SNX31: variants seen among roughly 807,000 people sequenced by gnomAD.
The protein encoded by SNX31 is sorting nexin 31.
SNX31 carries 58 observed loss-of-function variants against 65.4 expected under a neutral mutation model. That is an observed-to-expected ratio of 0.89 (90% confidence interval 0.72 to 1.10). The LOEUF is 1.10. Among genes scored for constraint, SNX31 ranks in the 50% least tolerant of loss-of-function variants. The pLI, the probability that SNX31 is intolerant of heterozygous loss-of-function variation, is 0.00. For synonymous variants in SNX31, 181 were observed against 190.1 expected, an observed-to-expected ratio of 0.95 and a Z score of 0.39; for missense variants, 523 against 529.7, an observed-to-expected ratio of 0.99 and a Z score of 0.12.
intron 3 of SNX31, among the ~76,000 whole-genome samples, chr8:100,631,355 A>G (rs574967138): frequency 6.6e-6 from 1 of 151,640 alleles, no homozygotes; most frequent in Non-Finnish European, 1.5e-5. Context: ...ATCCTCTCCT[A>G]TATCCTGCGC....
Position 100,575,864 on chromosome 8 carries a change from T to C in SNX31, c.1227+1155A>G, listed in dbSNP as rs1276252315. The stretch of plus-strand genomic sequence containing the variant: ...AAATCCAAATTTCTGAGGGTGGGGC[T>C]CAAGCATTAGTTTTTAGAGCTCCCC... On this transcript the variant is annotated intron_variant, in intron 13 of 13. Coordinates refer to ENST00000311812, the MANE Select transcript of SNX31 (RefSeq NM_152628.4). This position sits in a 1 kb window ranked among gnomAD's most constrained non-coding sequence, Gnocchi z 5.1. 6.6e-6 allele frequency among the ~76,000 whole-genome samples: 1 copy of C among 152,164 alleles called. No individual in the cohort carries two copies. The highest frequency in any genetic ancestry group is 1.5e-5 in the Non-Finnish European group (1 of 68,022).
chr8:100,649,623 C>T lies in SNX31; in HGVS notation c.-109G>A. On this transcript the variant is annotated 5_prime_UTR_variant, in exon 1 of 14. It removes the in-frame stop codon of an upstream open reading frame in the 5' UTR. Transcript: ENST00000311812. Reference sequence around the variant, plus strand: ...ACGCAGCGCGGCCTGCCACGCGACTCAGAGCGAACCCCGGCGCCCGCTCTC... The same window carrying T: ...ACGCAGCGCGGCCTGCCACGCGACTTAGAGCGAACCCCGGCGCCCGCTCTC... 1 of 1,093,826 alleles carries T rather than the reference C, an allele frequency of 9.1e-7. No individual in the cohort carries two copies. Among genetic ancestry groups the T allele is most frequent in the Non-Finnish European group, 1.3e-6 (1 of 774,586 alleles). 67.8% of individuals were successfully genotyped at this position (1,093,826 alleles called of 1,614,324 possible).
chr8:100,616,005 A>G (rs1468503677), intron 5 of SNX31, among the ~76,000 whole-genome samples: 1 of 151,792 alleles, frequency 6.6e-6, no homozygotes, highest in Non-Finnish European at 1.5e-5. Flanking sequence ...CGATCTCCTG[A>G]CCTCGTGATC....
intron 3 of SNX31, among the ~76,000 whole-genome samples, chr8:100,633,254 G>T (rs1255494548): frequency 6.6e-6 from 1 of 152,004 alleles, no homozygotes; most frequent in African/African-American, 2.4e-5. Context: ...TTTGAATAAG[G>T]TCTCTAGATA....
chr8:100,661,973 C>A (rs184432136), intron 1 of SNX31, among the ~76,000 whole-genome samples: 51 of 152,206 alleles, frequency 3.4e-4, no homozygotes, highest in Non-Finnish European at 7.1e-4. Context: ...TACAGACATG[C>A]ACCTCCACGT....
intron 2 of SNX31, among the ~76,000 whole-genome samples, chr8:100,641,537 C>T (rs1309267508): frequency 1.2e-4 from 9 of 75,556 alleles, no homozygotes; most frequent in African/African-American, 6.0e-4. Flanking sequence ...TGGAGTGAGA[C>T]CTTGTCTCAA....
chr8:100,611,901 T>A, intron 7 of SNX31, 99 bp downstream of exon 7: 1 of 894,226 alleles, frequency 1.1e-6, no homozygotes, highest in Non-Finnish European at 1.8e-6. Context: ...GGTCTCCAGC[T>A]GTCAGGCTAT....
At position 100,584,155 on chromosome 8, in the gene SNX31, T is replaced by A. The variant is rs200328935; in HGVS notation, c.1126A>T (p.Ile376Phe). 73 of 1,601,284 alleles carry A rather than the reference T, an allele frequency of 4.6e-5. No homozygotes were observed. The highest frequency in any genetic ancestry group is 5.9e-5 in the Non-Finnish European group (69 of 1,175,122). ...GCTAGCTTTACCATCTTTTCTGAGA[T>A]CATCTTTTTCAAGCAGCTACTCAGC... ...FLLSSCLKKM[I>F]SEKMVKLAAE... Residue 376 changes from isoleucine to phenylalanine, a missense_variant, in exon 12 of 14, where the codon ATC (isoleucine) becomes TTC (phenylalanine). Transcript: ENST00000311812.
chr8:100,662,928 C>T (rs576339761), intron 1 of SNX31, among the ~76,000 whole-genome samples: 1 of 152,156 alleles, frequency 6.6e-6, no homozygotes, highest in South Asian at 2.1e-4. Flanking sequence ...AATCAGTGCT[C>T]TACTATTAAA....
intron 2 of SNX31, among the ~76,000 whole-genome samples, chr8:100,644,627 G>C (rs983362227): frequency 4.6e-5 from 7 of 152,174 alleles, no homozygotes; most frequent in African/African-American, 1.7e-4. Context: ...AGAGCCCATG[G>C]AAACACATCC....
intron 5 of SNX31, among the ~76,000 whole-genome samples, chr8:100,616,261 G>C (rs10097357): frequency 0.23 from 34,542 of 152,020 alleles, 4,790 homozygotes; most frequent in African/African-American, 0.38. Context: ...ACCACCACTG[G>C]CTTCAGCTGC....
chr8:100,592,277 C>G (rs949105140), intron 10 of SNX31, among the ~76,000 whole-genome samples: 1 of 151,940 alleles, frequency 6.6e-6, no homozygotes, highest in Non-Finnish European at 1.5e-5. Context: ...AAATACAACA[C>G]TAGAAGTAAA....
chr8:100,612,130 A>G lies in SNX31; in HGVS notation c.524-43T>C, dbSNP rs752901496. On this transcript the variant is annotated intron_variant, in intron 6 of 13. Transcript: ENST00000311812. The surrounding 1 kb of genome is among the most constrained non-coding windows in gnomAD (Gnocchi z 4.3). ...CCGGTCTTACTGGTTGAAACAGCAC[A>G]GACAGCTTATATATAGCAGCTTTCA... The G allele has an allele frequency of 5.3e-6, 7 of 1,312,402 alleles. No homozygotes were observed. In the African/African-American group the frequency reaches 7.3e-5, roughly 14 times the overall value. The allele number at this position is 1,312,402 out of a possible 1,614,324, so 81.3% of individuals were successfully genotyped here. A position where few individuals can be genotyped will look rare whatever the true frequency, so the allele number is the denominator to read the frequency against.
rs1563514050 is a variant in SNX31 at position 100,584,144 on chromosome 8, C to G, written c.1137G>C (p.Lys379Asn). The change falls in exon 12 of 14, where the codon AAG (lysine) becomes AAC (asparagine). Residue 379 changes from lysine (K) to asparagine (N), a missense_variant. Physicochemically the swap from Lys to Asn is moderately conservative, Grantham distance 94. Coordinates refer to ENST00000311812, the MANE Select transcript of SNX31 (RefSeq NM_152628.4). ...SSCLKKMISE[K>N]MVKLAAENTE... ...TATTCTCAGCAGCTAGCTTTACCAT[C>G]TTTTCTGAGATCATCTTTTTCAAGC... 2 of 1,603,202 alleles carry G rather than the reference C, an allele frequency of 1.2e-6. No homozygotes were observed. Among genetic ancestry groups the G allele is most frequent in the Non-Finnish European group, 1.7e-6 (2 of 1,175,954 alleles).
rs534065753 is a variant in SNX31, at chr8:100,577,081, T to C, written c.1171-6A>G. 2 of 1,613,020 alleles carry C rather than the reference T, an allele frequency of 1.2e-6. No homozygotes were observed. Among genetic ancestry groups the C allele is most frequent in the East Asian group, 2.2e-5 (1 of 44,852 alleles). The stretch of plus-strand genomic sequence containing the variant: ...TGTTCCGGAACTTCAATCTGCTAGA[T>C]AGATTAGTGAAATGTCAGTCAGCTC... On this transcript the variant is annotated splice_polypyrimidine_tract_variant and splice_region_variant and intron_variant, in intron 12 of 13. Coordinates refer to ENST00000311812, the MANE Select transcript of SNX31 (RefSeq NM_152628.4).
chr8:100,590,992 G>C (rs1814519186), intron 10 of SNX31, among the ~76,000 whole-genome samples: 1 of 152,150 alleles, frequency 6.6e-6, no homozygotes, highest in African/African-American at 2.4e-5. Flanking sequence ...GGGTCCTAAT[G>C]AGTAGAGGAG....
intron 5 of SNX31, among the ~76,000 whole-genome samples, chr8:100,616,541 A>G (rs1370224786): frequency 6.6e-6 from 1 of 152,188 alleles, no homozygotes. Context: ...CTCAAGCATC[A>G]AGGGCTTTTG....
In SNX31 at chr8:100,649,467, C is replaced by T. The variant is rs556203287; in HGVS notation, c.48G>A (p.Ala16=). The change falls in exon 1 of 14, where the codon GCG becomes GCA. Residue 16 remains alanine (A), a synonymous_variant. Coordinates refer to ENST00000311812, the MANE Select transcript of SNX31 (RefSeq NM_152628.4). The part of the protein sequence containing the change: ...CIPVSQQRSD[A]LGGRYVLYSV... ...GGCGCACCACGTAGCGGCCCCCCAG[C>T]GCGTCGGACCGCTGCTGGGACACCG... The T allele has an allele frequency of 6.3e-7, 1 of 1,586,256 alleles. No individual in the cohort carries two copies. Among genetic ancestry groups the T allele is most frequent in the South Asian group, 1.1e-5 (1 of 87,180 alleles).
intron 10 of SNX31, among the ~76,000 whole-genome samples, chr8:100,593,054 G>T (rs1814731704): frequency 1.3e-5 from 2 of 152,152 alleles, no homozygotes; most frequent in Admixed American, 6.5e-5. Flanking sequence ...GACAACTAAA[G>T]GGTATGGGGC....
Sources: allele counts gnomAD v4.1 joint callset (sites outside exome capture counted in the v4.1 genomes callset), GRCh38; gene constraint gnomAD v4.1.1; non-coding constraint Gnocchi (gnomAD v3.1); transcripts MANE v1.5; gene names NCBI Gene and HGNC (gene_info 2026-07-23, HGNC 2026-07-21).